Variants in GTF2E2 observed in about 807,000 individuals in gnomAD.
GTF2E2 encodes transcription initiation factor IIE subunit beta.
In GTF2E2, 21 loss-of-function variants were observed where a neutral mutation model predicts 40.5. The ratio of observed to expected loss-of-function variants is 0.52; its 90% CI spans 0.37 to 0.75. The LOEUF (loss-of-function observed/expected upper bound fraction) is 0.75. Among genes scored for constraint, GTF2E2 ranks in the 30% least tolerant of loss-of-function variants. The pLI is 0.00. For synonymous variants in GTF2E2, 117 were observed against 121.6 expected (o/e 0.96, Z 0.25); for missense variants, 298 against 338.4 (o/e 0.88, Z 0.94).
intron 3 of GTF2E2, among the ~76,000 whole-genome samples, chr8:30,615,324 C>T (rs888509730): frequency 3.9e-5 from 6 of 151,922 alleles, no homozygotes; most frequent in African/African-American, 9.7e-5. Flanking sequence ...GACAGAAACG[C>T]GCAGATTGCA....
chr8:30,625,163 T>C (rs1167668880), intron 3 of GTF2E2, among the ~76,000 whole-genome samples: 2 of 152,154 alleles, frequency 1.3e-5, no homozygotes, highest in African/African-American at 2.4e-5. Flanking sequence ...ATAGCTCTTA[T>C]TATTTTTAGA....
Position 30,590,226 on chromosome 8 carries a change from G to C in GTF2E2, c.644-9830C>G, listed in dbSNP as rs748289512. On this transcript the variant is annotated intron_variant, in intron 6 of 7. Transcript: ENST00000355904. ...GAATCTGGCTTCCCTCATGAGGCAC[G>C]ATGCCTCTGAGATTCATCCATGTTG... Among the ~76,000 whole-genome samples the C allele has an allele frequency of 2.6e-5, 4 of 152,124 alleles. No individual in the cohort carries two copies. The East Asian group carries it at 5.8e-4, about 22-fold the overall frequency.
intron 6 of GTF2E2, among the ~76,000 whole-genome samples, chr8:30,594,968 G>A (rs1191876213): frequency 6.6e-6 from 1 of 152,092 alleles, no homozygotes; most frequent in Non-Finnish European, 1.5e-5. Context: ...TTGGAATAAA[G>A]GCTATAATCT....
rs33951211 is a variant in GTF2E2 at position 30,642,296 on chromosome 8, C to CAAAAA, written c.167-7178_167-7174dup. The stretch of plus-strand genomic sequence containing the variant: ...TCTTTTTGAATTAAAGGAGAAAAGC[C>CAAAAA]AAAAAAAAAAAAAAGGAAAGGAATA... On this transcript the variant is annotated intron_variant, in intron 2 of 7. Coordinates refer to ENST00000355904, the MANE Select transcript of GTF2E2 (RefSeq NM_002095.6). Among the ~76,000 whole-genome samples, 14 of 129,874 alleles carry CAAAAA rather than the reference C, an allele frequency of 1.1e-4. 2 individuals carry two copies. In the East Asian group the frequency reaches 2.8e-3, roughly 26 times the overall value. 85.2% of individuals were successfully genotyped at this position (129,874 alleles called of 152,430 possible). A position where few individuals can be genotyped will look rare whatever the true frequency, so the allele number is the denominator to read the frequency against.
intron 3 of GTF2E2, among the ~76,000 whole-genome samples, chr8:30,628,579 G>A (rs918677477): frequency 6.6e-6 from 1 of 152,180 alleles, no homozygotes; most frequent in African/African-American, 2.4e-5. Flanking sequence ...CTGCTCTATT[G>A]CATTGAGGAA....
chr8:30,629,550 G>T (rs1051152200), intron 3 of GTF2E2, among the ~76,000 whole-genome samples: 1 of 151,996 alleles, frequency 6.6e-6, no homozygotes, highest in Non-Finnish European at 1.5e-5. Flanking sequence ...TTAGCCAGGC[G>T]TGGTGGCAGG....
chr8:30,610,095 G>C (rs893701025), intron 5 of GTF2E2, among the ~76,000 whole-genome samples: 1 of 152,048 alleles, frequency 6.6e-6, no homozygotes, highest in African/African-American at 2.4e-5. Context: ...AAACAATCTT[G>C]AAAAAGAACA....
At chr8:30,625,223 C>A (rs530537711) in intron 3 of GTF2E2, among the ~76,000 whole-genome samples, 1 of 151,866 alleles carries the variant, frequency 6.6e-6, no homozygotes, top group South Asian at 2.1e-4. Context: ...TAGTATGAAG[C>A]GCTGTTGAAT....
chr8:30,601,542 C>CAA (rs918062594), intron 6 of GTF2E2, among the ~76,000 whole-genome samples: 1 of 150,482 alleles, frequency 6.6e-6, no homozygotes, highest in South Asian at 2.1e-4. Context: ...CTCCCCACAC[C>CAA]AAAAAAAAAC....
At chr8:30,617,302 T>C (rs1331133936) in intron 3 of GTF2E2, among the ~76,000 whole-genome samples, 1 of 152,188 alleles carries the variant, frequency 6.6e-6, no homozygotes, top group African/African-American at 2.4e-5. Context: ...TTGCTGTTAA[T>C]TCATTCACTT....
intron 6 of GTF2E2, among the ~76,000 whole-genome samples, chr8:30,590,518 CCCA>C (rs910892690): frequency 2.6e-5 from 4 of 152,064 alleles, no homozygotes; most frequent in African/African-American, 9.7e-5. Flanking sequence ...GGACACTGGA[CCCA>C]CGTCTCACAC....
At chr8:30,641,611 C>T (rs1387179410) in intron 2 of GTF2E2, among the ~76,000 whole-genome samples, 1 of 152,166 alleles carries the variant, frequency 6.6e-6, no homozygotes, top group Non-Finnish European at 1.5e-5. Flanking sequence ...CGCGGTGGCT[C>T]ATGCCCGTAA....
chr8:30,579,094 C>A, intron 7 of GTF2E2, 57 bp from the exon 8 acceptor site: 1 of 918,116 alleles, frequency 1.1e-6, no homozygotes. Context: ...GGTGGTGTGG[C>A]CAGGATGTTC....
chr8:30,589,945 T>C (rs1223246001), intron 6 of GTF2E2, among the ~76,000 whole-genome samples: 1 of 152,222 alleles, frequency 6.6e-6, no homozygotes, highest in Non-Finnish European at 1.5e-5. Flanking sequence ...CTTTAAATTG[T>C]CCTTTTATTT....
chr8:30,580,218 A>G (rs754161626), intron 7 of GTF2E2, 63 bp downstream of exon 7: 281 of 900,558 alleles, frequency 3.1e-4, no homozygotes, highest in Admixed American at 7.1e-4. Flanking sequence ...AGAGGGCAGA[A>G]AGCGGAGCAG....
intron 2 of GTF2E2, among the ~76,000 whole-genome samples, chr8:30,642,618 T>A (rs1381290570): frequency 6.6e-6 from 1 of 151,054 alleles, no homozygotes; most frequent in Non-Finnish European, 1.5e-5. Context: ...TAATTTCTTG[T>A]AGGTCTTTCT....
At chr8:30,637,237 A>T in intron 2 of GTF2E2, 1 of 456,054 alleles carries the variant, frequency 2.2e-6, no homozygotes, top group South Asian at 1.6e-5. Flanking sequence ...AAATAATATT[A>T]AGCTTACCCC....
intron 3 of GTF2E2, among the ~76,000 whole-genome samples, chr8:30,630,737 T>C (rs1462634458): frequency 6.6e-6 from 1 of 152,186 alleles, no homozygotes; most frequent in African/African-American, 2.4e-5. Flanking sequence ...CAGGGAAGCA[T>C]TCGTGAATGG....
intron 2 of GTF2E2, among the ~76,000 whole-genome samples, chr8:30,650,319 T>C (rs969893483): frequency 4.6e-5 from 7 of 152,150 alleles, no homozygotes; most frequent in Non-Finnish European, 7.3e-5. Context: ...ATCATATTAA[T>C]AGACTAAAGA....
Sources: gnomAD v4.1 joint callset for allele counts (sites outside exome capture counted in the v4.1 genomes callset) on GRCh38, gnomAD v4.1.1 for gene constraint, MANE v1.5 for transcripts, NCBI Gene and HGNC (gene_info 2026-07-23, HGNC 2026-07-21) for gene names.